The following MDN1 variants were observed in gnomAD, a reference collection of about 807,000 sequenced individuals.
MDN1 encodes midasin.
A neutral mutation model predicts 669.2 loss-of-function variants in MDN1; 266 were observed. That is an observed-to-expected ratio of 0.40 (90% confidence interval 0.36 to 0.44). The LOEUF is 0.44. Among genes scored for constraint, MDN1 ranks in the 20% least tolerant of loss-of-function variants. The pLI is 1.00. For synonymous variants in MDN1, 2,385 were observed against 2,457.1 expected (o/e 0.97, Z 0.87); for missense variants, 5,940 against 6,754.0 (o/e 0.88, Z 4.22).
At chr6:89,796,345 A>ACC (rs1452699382) in intron 2 of MDN1, among the ~76,000 whole-genome samples, 132 of 149,434 alleles carry the variant, frequency 8.8e-4, no homozygotes, top group African/African-American at 3.1e-3. Context: ...AAAAAAAAAA[A>ACC]AAAAACAAAA....
At chr6:89,730,682 G>A (rs79715782) in intron 35 of MDN1, 44 bp downstream of exon 35, 2 of 1,509,758 alleles carry the variant, frequency 1.3e-6, no homozygotes, top group South Asian at 2.4e-5. Context: ...AAGTATCTAT[G>A]ATCTATAGAA....
At chr6:89,816,163 G>A (rs1241665684) in intron 1 of MDN1, among the ~76,000 whole-genome samples, 2 of 152,174 alleles carry the variant, frequency 1.3e-5, no homozygotes, top group African/African-American at 2.4e-5. Context: ...ACTTTGGGAG[G>A]CCGACGCGGG....
In MDN1 at chr6:89,809,301, TTTTTA is replaced by T. The variant is rs560321645; in HGVS notation, c.103-5752_103-5748del. On this transcript the variant is annotated intron_variant, in intron 1 of 101. Coordinates refer to ENST00000369393, the MANE Select transcript of MDN1 (RefSeq NM_014611.3). Reference sequence around the variant, plus strand: ...GCATAGCTTCATATATATTTAAAACTTTTTATTTTATCTTCCCAGATTTATAGAGA... The same window carrying T: ...GCATAGCTTCATATATATTTAAAACTTTTTATCTTCCCAGATTTATAGAGA... Among the ~76,000 whole-genome samples, 191 of 151,986 alleles carry T rather than the reference TTTTTA, an allele frequency of 1.3e-3. 2 individuals are homozygous for T. Among genetic ancestry groups the T allele is most frequent in the African/African-American group, 4.5e-3 (187 of 41,458 alleles).
intron 1 of MDN1, among the ~76,000 whole-genome samples, chr6:89,818,490 T>A (rs79403758): frequency 6.0e-5 from 9 of 151,008 alleles, no homozygotes; most frequent in African/African-American, 1.7e-4. Context: ...ATTTTTTTTT[T>A]AATTAGCCAC....
chr6:89,816,177 A>G (rs1442564277), intron 1 of MDN1, among the ~76,000 whole-genome samples: 1 of 152,154 alleles, frequency 6.6e-6, no homozygotes, highest in East Asian at 1.9e-4. Context: ...ACGCGGGTGG[A>G]TCACCTGAGG....
At chr6:89,709,727 G>A (rs1218943210) in intron 50 of MDN1, among the ~76,000 whole-genome samples, 1 of 152,112 alleles carries the variant, frequency 6.6e-6, no homozygotes, top group Non-Finnish European at 1.5e-5. Flanking sequence ...CTGGTGTTGT[G>A]AAAATGCCCA....
intron 11 of MDN1, among the ~76,000 whole-genome samples, chr6:89,778,651 G>T (rs1351502166): frequency 6.6e-6 from 1 of 151,958 alleles, no homozygotes; most frequent in Non-Finnish European, 1.5e-5. Flanking sequence ...TTGGGAGGCT[G>T]AGGTGGGTGG....
intron 71 of MDN1, 30 bp downstream of exon 71, chr6:89,684,846 A>G (rs1811899145): frequency 7.1e-7 from 1 of 1,416,126 alleles, no homozygotes; most frequent in East Asian, 2.3e-5. Context: ...TTGTCCTCCC[A>G]AGAGTGATCA....
intron 34 of MDN1, among the ~76,000 whole-genome samples, chr6:89,731,385 G>A (rs558998822): frequency 1.2e-4 from 18 of 152,192 alleles, no homozygotes; most frequent in Non-Finnish European, 2.2e-4. Flanking sequence ...ATGATAGACT[G>A]GATAAAGAAA....
At chr6:89,756,021 G>C (rs986753633) in intron 20 of MDN1, among the ~76,000 whole-genome samples, 2 of 152,140 alleles carry the variant, frequency 1.3e-5, no homozygotes, top group Non-Finnish European at 2.9e-5. Flanking sequence ...TGAATATAGA[G>C]GTAATCAGGA....
chr6:89,786,697 G>C (rs898629359), intron 8 of MDN1, among the ~76,000 whole-genome samples: 1 of 152,090 alleles, frequency 6.6e-6, no homozygotes, highest in African/African-American at 2.4e-5. Flanking sequence ...AGGAGGCCAA[G>C]GCGGAGGATC....
chr6:89,699,508 G>T, intron 58 of MDN1, 93 bp downstream of exon 58: 1 of 1,409,068 alleles, frequency 7.1e-7, no homozygotes, highest in South Asian at 1.6e-5. Flanking sequence ...ATGGAATTTT[G>T]AGAATAAATA....
chr6:89,667,357 T>C (rs1312588182), intron 84 of MDN1, among the ~76,000 whole-genome samples: 1 of 152,328 alleles, frequency 6.6e-6, no homozygotes, highest in Non-Finnish European at 1.5e-5. Flanking sequence ...TCCAGTTTTC[T>C]CTGCCAAGGA....
Position 89,662,207 on chromosome 6 carries a change from G to A in MDN1, c.14445C>T (p.Asn4815=), listed in dbSNP as rs955398088. 3 of 1,612,686 alleles carry A rather than the reference G, an allele frequency of 1.9e-6. No individual in the cohort carries two copies. Among genetic ancestry groups the A allele is most frequent in the Non-Finnish European group, 2.5e-6 (3 of 1,179,752 alleles). ...EDSELVAKDD[N]LDSGNSNKDK... ...CTTTGTTTGAATTGCCACTATCCAAGTTGTCATCTTTAGCAACAAGTTCAG... is the reference window on the plus strand; with the variant it reads ...CTTTGTTTGAATTGCCACTATCCAAATTGTCATCTTTAGCAACAAGTTCAG... Residue 4815 remains asparagine, a synonymous_variant, in exon 87 of 102, where the codon AAC becomes AAT. Coordinates refer to ENST00000369393, the MANE Select transcript of MDN1 (RefSeq NM_014611.3).
chr6:89,700,919 T>C, intron 55 of MDN1, 63 bp from the exon 56 acceptor site: 3 of 1,307,410 alleles, frequency 2.3e-6, no homozygotes, highest in South Asian at 2.6e-5. Flanking sequence ...TTTAGTAGCC[T>C]ATACAGGTCT....
In MDN1 at chr6:89,677,687, T is replaced by C; in HGVS notation, c.12422A>G (p.Tyr4141Cys). ...FKHLAKIGLSYRKGLAWARSK... is the reference protein window; with the variant it reads ...FKHLAKIGLSCRKGLAWARSK... ...ACGGGCCCAAGCAAGACCTTTGCGA[T>C]ACGACAAACCTAGGAAATAAACAGC... Residue 4141 changes from tyrosine (Y) to cysteine (C), a missense_variant, in exon 76 of 102, where the codon TAT becomes TGT. Coordinates refer to ENST00000369393, the MANE Select transcript of MDN1 (RefSeq NM_014611.3). 1.2e-6 allele frequency: 2 copies of C among 1,614,156 alleles called. No homozygotes were observed. Among genetic ancestry groups the C allele is most frequent in the East Asian group, 2.2e-5 (1 of 44,880 alleles).
At chr6:89,706,314 A>G in intron 52 of MDN1, 122 bp from the exon 53 acceptor site, 1 of 1,072,766 alleles carries the variant, frequency 9.3e-7, no homozygotes, top group Non-Finnish European at 1.3e-6. Context: ...GTCAATTTTG[A>G]GAGCAAAAGC....
At position 89,727,844 on chromosome 6, in the gene MDN1, C is replaced by T. The variant is rs1489941983; in HGVS notation, c.5461G>A (p.Val1821Met). The T allele has an allele frequency of 1.9e-6, 3 of 1,614,006 alleles. No homozygotes were observed. Among genetic ancestry groups the T allele is most frequent in the African/African-American group, 1.3e-5 (1 of 75,028 alleles). ...LAALKAGHWV[V>M]LDELNLASQS... ...AACAGGCCCCTCACCTCATCCAACA[C>T]CACCCAATGGCCTGCCTTCAAAGCT... Residue 1821 changes from valine (V) to methionine (M), a missense_variant, in exon 37 of 102, where the codon GTG becomes ATG. Transcript: ENST00000369393.
rs1026166153 is a variant in MDN1, at chr6:89,699,253, G to A, written c.8998-218C>T. Among the ~76,000 whole-genome samples the A allele has an allele frequency of 8.5e-5, 13 of 152,140 alleles. 1 individual carries two copies. Among genetic ancestry groups the A allele is most frequent in the South Asian group, 8.3e-4 (4 of 4,824 alleles). On this transcript the variant is annotated intron_variant, in intron 58 of 101. Transcript: ENST00000369393. ...TACTAATGAAATTCTATTAACAGGAGTGTACCAGTATTCATATTCAATTTA... is the reference window on the plus strand; with the variant it reads ...TACTAATGAAATTCTATTAACAGGAATGTACCAGTATTCATATTCAATTTA...
Sources: gnomAD v4.1 joint callset for allele counts (sites outside exome capture counted in the v4.1 genomes callset) on GRCh38, gnomAD v4.1.1 for gene constraint, MANE v1.5 for transcripts, NCBI Gene and HGNC (gene_info 2026-07-23, HGNC 2026-07-21) for gene names.